The following APLP2 variants were observed in gnomAD, a reference collection of about 807,000 sequenced individuals.
The protein encoded by APLP2 is amyloid beta precursor like protein 2.
In APLP2, 53 loss-of-function variants were observed where a neutral mutation model predicts 89.9. The observed-to-expected ratio is 0.59, with a 90% CI of 0.47 to 0.74. The LOEUF is 0.74. APLP2 is among the 30% of genes least tolerant of loss of function. The probability of loss-of-function intolerance (pLI) is 0.00; values close to 1 mark genes in which losing one functional copy is unlikely to be tolerated. For synonymous variants in APLP2, 372 were observed against 348.6 expected (o/e 1.07, Z -0.75); for missense variants, 973 against 975.9 (o/e 1.00, Z 0.04).
chr11:130,110,750 C>G (rs1948443826), intron 3 of APLP2, 89 bp downstream of exon 3: 3 of 1,430,962 alleles, frequency 2.1e-6, no homozygotes, highest in Non-Finnish European at 2.8e-6. Flanking sequence ...AATATTTACA[C>G]CTGTTAAGAA....
At chr11:130,118,253 G>A (rs369475483) in intron 3 of APLP2, among the ~76,000 whole-genome samples, 35 of 152,096 alleles carry the variant, frequency 2.3e-4, no homozygotes, top group Non-Finnish European at 3.7e-4. Context: ...TGAATAGTTC[G>A]TATAAAACTA....
At position 130,141,826 on chromosome 11, in the gene APLP2, G is replaced by C. The variant is rs1010919735; in HGVS notation, c.1999-93G>C. 7 of 1,478,970 alleles carry C rather than the reference G, an allele frequency of 4.7e-6. No individual in the cohort carries two copies. The highest frequency in any genetic ancestry group is 5.5e-6 in the Non-Finnish European group (6 of 1,092,890). The allele number at this position is 1,478,970 out of a possible 1,614,324, so 91.6% of individuals were successfully genotyped here. A position where few individuals can be genotyped will look rare whatever the true frequency, so the allele number is the denominator to read the frequency against. On this transcript the variant is annotated intron_variant, in intron 15 of 16. Transcript: ENST00000338167. The surrounding 1 kb of genome is among the most constrained non-coding windows in gnomAD (Gnocchi z 4.2). Reference sequence around the variant, plus strand: ...GTGCTACTTTGGGTTTTAGGGGCTCGACCTTCCAGGAGCGTGGCCCTCAGT... The same window carrying C: ...GTGCTACTTTGGGTTTTAGGGGCTCCACCTTCCAGGAGCGTGGCCCTCAGT...
At position 130,123,682 on chromosome 11, in the gene APLP2, C is replaced by G. The variant is rs775951729; in HGVS notation, c.993C>G (p.Ser331=). ...TGCCTCGTTGGTACTTCGACCTCTC[C>G]AAGGGAAAGTGCGTGCGCTTTATAT... ...AVMPRWYFDL[S]KGKCVRFIYG... Residue 331 remains serine (S), a synonymous_variant, in exon 7 of 17, where the codon TCC becomes TCG. Coordinates refer to ENST00000338167, the MANE Select transcript of APLP2 (RefSeq NM_001142276.2). This position sits in a 1 kb window ranked among gnomAD's most constrained non-coding sequence, Gnocchi z 4.0. 30 of 1,614,168 alleles carry G rather than the reference C, an allele frequency of 1.9e-5. No individual in the cohort carries two copies. In the South Asian group the frequency reaches 2.9e-4, roughly 15 times the overall value.
intron 1 of APLP2, chr11:130,070,795 C>T (rs1433651277): frequency 4.5e-6 from 6 of 1,328,328 alleles, no homozygotes; most frequent in Admixed American, 3.3e-5. Context: ...GGAAGGTGCC[C>T]GCGAAGGCGT....
intron 3 of APLP2, among the ~76,000 whole-genome samples, chr11:130,113,315 G>A (rs1290030780): frequency 3.9e-5 from 6 of 152,178 alleles, no homozygotes; most frequent in African/African-American, 1.4e-4. Flanking sequence ...TTGTTAGCAT[G>A]TTACAGAACC....
intron 1 of APLP2, among the ~76,000 whole-genome samples, chr11:130,091,846 G>T (rs1455907471): frequency 6.8e-6 from 1 of 147,732 alleles, no homozygotes. Context: ...CCTCCCGGAC[G>T]GGGTGGCTGC....
chr11:130,102,098 AT>A (rs536137875), intron 1 of APLP2: 4,295 of 308,504 alleles, frequency 0.014, 3 homozygotes, highest in South Asian at 0.02. Flanking sequence ...TGAGAACAGA[AT>A]TTTTTTTTTT....
At chr11:130,070,450 G>C in intron 1 of APLP2, 4 of 447,314 alleles carry the variant, frequency 8.9e-6, no homozygotes, top group Non-Finnish European at 1.2e-5. Context: ...CTCCTCTCCC[G>C]CCGGAGTCCG....
intron 1 of APLP2, among the ~76,000 whole-genome samples, chr11:130,076,074 C>T (rs1403939476): frequency 6.6e-6 from 1 of 151,888 alleles, no homozygotes; most frequent in African/African-American, 2.4e-5. Context: ...CTTTTTGGGC[C>T]TTTCTGTTTG....
intron 1 of APLP2, chr11:130,108,704 C>A (rs6590443): frequency 6.6e-6 from 1 of 152,084 alleles, no homozygotes; most frequent in Non-Finnish European, 1.5e-5. Flanking sequence ...TCCCATTACT[C>A]GGTATGTACC....
chr11:130,129,989 T>C (rs1469174788), intron 10 of APLP2, 49 bp from the exon 11 acceptor site: 1 of 1,590,486 alleles, frequency 6.3e-7, no homozygotes, highest in Admixed American at 1.7e-5. Flanking sequence ...TCCTGCCTAT[T>C]TTCAATTCTC....
chr11:130,138,585 T>G (rs1951922512), intron 13 of APLP2, among the ~76,000 whole-genome samples: 1 of 138,058 alleles, frequency 7.2e-6, no homozygotes. Flanking sequence ...TGGTAGGTTT[T>G]TTTTTTTTTT....
intron 3 of APLP2, among the ~76,000 whole-genome samples, chr11:130,110,895 A>G (rs1423348233): frequency 6.6e-6 from 1 of 152,118 alleles, no homozygotes; most frequent in Non-Finnish European, 1.5e-5. Flanking sequence ...TCAGGACTGA[A>G]TAAGGGTGCT....
intron 13 of APLP2, among the ~76,000 whole-genome samples, chr11:130,137,060 C>T (rs1382622632): frequency 2.6e-5 from 4 of 152,140 alleles, no homozygotes; most frequent in Non-Finnish European, 5.9e-5. Flanking sequence ...ATCAAGGATA[C>T]CCTCCAGTGA....
intron 1 of APLP2, among the ~76,000 whole-genome samples, chr11:130,087,214 G>A (rs969352595): frequency 3.3e-4 from 50 of 152,174 alleles, no homozygotes; most frequent in African/African-American, 1.2e-3. Flanking sequence ...TGTCATCAGC[G>A]TCCTCACTGT....
intron 9 of APLP2, 54 bp from the exon 10 acceptor site, chr11:130,128,994 T>G: frequency 6.4e-7 from 1 of 1,572,912 alleles, no homozygotes. Flanking sequence ...GGTGCTTGCT[T>G]AGGCTTCCTC....
intron 4 of APLP2, 88 bp from the exon 5 acceptor site, chr11:130,121,526 G>A: frequency 7.1e-7 from 1 of 1,405,138 alleles, no homozygotes; most frequent in East Asian, 2.4e-5. Context: ...GATTTGATAA[G>A]GGTTTATTTT....
intron 2 of APLP2, among the ~76,000 whole-genome samples, chr11:130,110,003 T>C (rs1565577468): frequency 6.6e-6 from 1 of 152,216 alleles, no homozygotes; most frequent in Non-Finnish European, 1.5e-5. Flanking sequence ...ATGTTATAAC[T>C]TGTATTTATT....
At chr11:130,136,030 TC>T (rs1286638849) in intron 13 of APLP2, among the ~76,000 whole-genome samples, 2 of 152,184 alleles carry the variant, frequency 1.3e-5, no homozygotes, top group African/African-American at 4.8e-5. Context: ...AACAGCGCCT[TC>T]CTGTTATGGT....
Sources: allele counts gnomAD v4.1 joint callset (sites outside exome capture counted in the v4.1 genomes callset), GRCh38; gene constraint gnomAD v4.1.1; non-coding constraint Gnocchi (gnomAD v3.1); transcripts MANE v1.5; gene names NCBI Gene and HGNC (gene_info 2026-07-23, HGNC 2026-07-21).